TMEM245: variants seen among roughly 807,000 people sequenced by gnomAD.
TMEM245 encodes transmembrane protein 245.
Under a neutral mutation model 101.2 loss-of-function variants are expected in TMEM245, and 69 were observed. The observed-to-expected ratio is 0.68, with a 90% CI of 0.56 to 0.83. The LOEUF is 0.83. TMEM245 is among the 40% of genes least tolerant of loss of function. The pLI, the probability that TMEM245 is intolerant of heterozygous loss-of-function variation, is 0.00. For synonymous variants in TMEM245, 537 were observed against 449.8 expected, an observed-to-expected ratio of 1.19 and a Z score of -2.45; for missense variants, 1,075 against 1,092.8, an observed-to-expected ratio of 0.98 and a Z score of 0.23.
intron 16 of TMEM245, among the ~76,000 whole-genome samples, chr9:109,034,596 G>A (rs925698262): frequency 1.3e-5 from 2 of 151,968 alleles, no homozygotes; most frequent in Non-Finnish European, 2.9e-5. Flanking sequence ...ACAGGCATGT[G>A]CCACCACACC....
Position 109,050,637 on chromosome 9 carries a change from G to C in TMEM245, c.1910C>G (p.Thr637Ser). 1 of 1,613,570 alleles carries C rather than the reference G, an allele frequency of 6.2e-7. No individual in the cohort carries two copies. Among genetic ancestry groups the C allele is most frequent in the Non-Finnish European group, 8.5e-7 (1 of 1,179,914 alleles). Residue 637 changes from threonine to serine, a missense_variant, in exon 13 of 18, where the codon ACT becomes AGT. Physicochemically the swap from Thr to Ser is moderately conservative, Grantham distance 58. Transcript: ENST00000374586. The stretch of plus-strand genomic sequence containing the variant: ...GAGGATGGTCAAGAGTGTAGTGACA[G>C]TGGTGAACAGCAGGCTCACATTCCG... ...MSRNVSLLFTTVTTLLTILFY... is the reference protein window; with the variant it reads ...MSRNVSLLFTSVTTLLTILFY...
rs534006420 is a variant in TMEM245, at chr9:109,041,998, C to T, written c.2124-3881G>A. Among the ~76,000 whole-genome samples the T allele has an allele frequency of 5.9e-5, 9 of 152,052 alleles. No homozygotes were observed. In the South Asian group the frequency reaches 6.2e-4, roughly 11 times the overall value. On this transcript the variant is annotated intron_variant, in intron 14 of 17. Coordinates refer to ENST00000374586, the MANE Select transcript of TMEM245 (RefSeq NM_032012.4). The stretch of plus-strand genomic sequence containing the variant: ...CACAAAAAATTAGCCAGGCATAGTG[C>T]GTGCCATTAGTTATATGCCAGATAA...
chr9:109,050,678 C>G lies in TMEM245; in HGVS notation c.1869G>C (p.Leu623=). The change falls in exon 13 of 18, where the codon CTG becomes CTC. Residue 623 remains leucine (L), a synonymous_variant. Coordinates refer to ENST00000374586, the MANE Select transcript of TMEM245 (RefSeq NM_032012.4). ...TCACATTCCGGCTCATAACGATCCA[C>G]AGAGACTCCAAGATCTGACGAGGAA... ...IETFLSILES[L]WIVMSRNVSL... 2 of 1,612,508 alleles carry G rather than the reference C, an allele frequency of 1.2e-6. No homozygotes were observed. Among genetic ancestry groups the G allele is most frequent in the Non-Finnish European group, 8.5e-7 (1 of 1,179,806 alleles).
chr9:109,067,348 A>G (rs1224899942), intron 9 of TMEM245, among the ~76,000 whole-genome samples: 1 of 152,022 alleles, frequency 6.6e-6, no homozygotes, highest in Non-Finnish European at 1.5e-5. Flanking sequence ...CCCTGAACTG[A>G]GCTCCTTCCT....
At chr9:109,083,517 C>T (rs1462949115) in intron 7 of TMEM245, among the ~76,000 whole-genome samples, 7 of 151,728 alleles carry the variant, frequency 4.6e-5, no homozygotes, top group Non-Finnish European at 1.0e-4. Context: ...AATGACATTC[C>T]GAATGTTTCA....
At chr9:109,106,063 C>T (rs924698366) in intron 3 of TMEM245, among the ~76,000 whole-genome samples, 1 of 152,094 alleles carries the variant, frequency 6.6e-6, no homozygotes, top group Non-Finnish European at 1.5e-5. Context: ...TGAGCCACTG[C>T]GCACGGCCTG....
intron 1 of TMEM245, among the ~76,000 whole-genome samples, chr9:109,114,402 C>T (rs983731213): frequency 6.6e-6 from 1 of 152,152 alleles, no homozygotes; most frequent in Non-Finnish European, 1.5e-5. Context: ...GCTGAAGAGC[C>T]TCTTGTGATG....
At chr9:109,108,637 A>C in intron 1 of TMEM245, 67 bp from the exon 2 acceptor site, 4 of 1,172,550 alleles carry the variant, frequency 3.4e-6, no homozygotes, top group Non-Finnish European at 5.0e-6. Flanking sequence ...ATTATACAAA[A>C]TCTGTAAGTG....
intron 3 of TMEM245, among the ~76,000 whole-genome samples, chr9:109,104,957 T>G (rs1830371763): frequency 6.6e-6 from 1 of 152,224 alleles, no homozygotes; most frequent in Non-Finnish European, 1.5e-5. Flanking sequence ...ATTTGGCAAT[T>G]GTTTGTCAGA....
chr9:109,101,086 G>T lies in TMEM245; in HGVS notation c.799+5422C>A, dbSNP rs1486668718. 3.3e-5 allele frequency among the ~76,000 whole-genome samples: 5 copies of T among 152,078 alleles called. No homozygotes were observed. In the South Asian group the frequency reaches 1.0e-3, roughly 32 times the overall value. ...ATGGTCACACCACCACTGCACTCCA[G>T]CCTGGGCAACAGAGCGAGTCTTAGT... On this transcript the variant is annotated intron_variant, in intron 3 of 17. Coordinates refer to ENST00000374586, the MANE Select transcript of TMEM245 (RefSeq NM_032012.4).
intron 1 of TMEM245, among the ~76,000 whole-genome samples, chr9:109,111,517 C>G (rs1161020922): frequency 6.6e-5 from 10 of 152,018 alleles, no homozygotes; most frequent in Non-Finnish European, 1.2e-4. Flanking sequence ...GTATTTTCAT[C>G]TATCAACCTG....
In TMEM245 at chr9:109,091,096, GGGA is replaced by G; in HGVS notation, c.973_975del (p.Ser325del). On this transcript the variant is annotated inframe_deletion, in exon 5 of 18. Coordinates refer to ENST00000374586, the MANE Select transcript of TMEM245 (RefSeq NM_032012.4). ...GTAGGTGAAGGGGAAGTGGGTGAAGGGGAGGAGGGTGAAGGGGAGGTGGACAAC... is the reference window on the plus strand; with the variant it reads ...GTAGGTGAAGGGGAAGTGGGTGAAGGGGAGGGTGAAGGGGAGGTGGACAAC... The G allele has an allele frequency of 6.2e-7, 1 of 1,614,056 alleles. No homozygotes were observed. Among genetic ancestry groups the G allele is most frequent in the South Asian group, 1.1e-5 (1 of 91,074 alleles).
rs746120667 is a variant in TMEM245, at chr9:109,086,028, A to G, written c.1321-8T>C. The G allele has an allele frequency of 1.9e-6, 3 of 1,613,274 alleles. No homozygotes were observed. Among genetic ancestry groups the G allele is most frequent in the Non-Finnish European group, 2.5e-6 (3 of 1,179,878 alleles). ...ATTTAGCCAGTGCCAGAGCTTGAGG[A>G]TAGGGGGTAAGGTGAGAAAGAGAAG... On this transcript the variant is annotated splice_polypyrimidine_tract_variant and splice_region_variant and intron_variant, in intron 6 of 17. Coordinates refer to ENST00000374586, the MANE Select transcript of TMEM245 (RefSeq NM_032012.4).
intron 12 of TMEM245, among the ~76,000 whole-genome samples, chr9:109,050,984 G>T (rs1828662327): frequency 6.6e-6 from 1 of 151,762 alleles, no homozygotes; most frequent in Non-Finnish European, 1.5e-5. Context: ...TTAAAAAACA[G>T]GATTAAAACA....
chr9:109,042,839 A>ATT (rs754295748), intron 14 of TMEM245, among the ~76,000 whole-genome samples: 7,584 of 114,862 alleles, frequency 0.066, 459 homozygotes, highest in South Asian at 0.097. Flanking sequence ...ATAGCTGACA[A>ATT]TTTTTTTTTT....
chr9:109,019,006 A>G lies in TMEM245; in HGVS notation c.*1454T>C, dbSNP rs978984245. On this transcript the variant is annotated 3_prime_UTR_variant, in exon 18 of 18. Transcript: ENST00000374586. Reference sequence around the variant, plus strand: ...GCAATCCACCCACCTCAGCCTTCCAAAGTGCTGGGATTACAGATGTGAGCC... The same window carrying G: ...GCAATCCACCCACCTCAGCCTTCCAGAGTGCTGGGATTACAGATGTGAGCC... The G allele has an allele frequency of 6.8e-6, 1 of 147,956 alleles. No individual in the cohort carries two copies. The highest frequency in any genetic ancestry group is 2.0e-4 in the East Asian group (1 of 5,004). 9.2% of individuals were successfully genotyped at this position (147,956 alleles called of 1,614,324 possible).
intron 1 of TMEM245, among the ~76,000 whole-genome samples, chr9:109,118,046 C>T (rs1432196319): frequency 6.6e-6 from 1 of 152,218 alleles, no homozygotes; most frequent in Non-Finnish European, 1.5e-5. Context: ...TGGCCCACAA[C>T]GGATGAGTCA....
rs1250890603 is a variant in TMEM245, at chr9:109,017,484, C to G, written c.*2976G>C. 6.6e-6 allele frequency: 1 copy of G among 152,194 alleles called. No homozygotes were observed. Among genetic ancestry groups the G allele is most frequent in the Non-Finnish European group, 1.5e-5 (1 of 68,044 alleles). 9.4% of individuals were successfully genotyped at this position (152,194 alleles called of 1,614,324 possible). On this transcript the variant is annotated 3_prime_UTR_variant, in exon 18 of 18. Transcript: ENST00000374586. ...GCACTCACATAACATGGAATTTATGCTGAAAATCCCATGCCTTCTCTCTCA... is the reference window on the plus strand; with the variant it reads ...GCACTCACATAACATGGAATTTATGGTGAAAATCCCATGCCTTCTCTCTCA...
chr9:109,106,441 AT>A, intron 3 of TMEM245, 66 bp downstream of exon 3: 2 of 1,002,020 alleles, frequency 2.0e-6, no homozygotes, highest in Non-Finnish European at 2.9e-6. Context: ...TCATCATAGC[AT>A]TTTTTAAAAA....
Sources: allele counts gnomAD v4.1 joint callset (sites outside exome capture counted in the v4.1 genomes callset), GRCh38; gene constraint gnomAD v4.1.1; transcripts MANE v1.5; gene names NCBI Gene and HGNC (gene_info 2026-07-23, HGNC 2026-07-21).